The following PROX1 variants were observed in gnomAD, a reference collection of about 807,000 sequenced individuals.
PROX1 encodes prospero homeobox protein 1.
PROX1 carries 7 observed loss-of-function variants against 58.8 expected under a neutral mutation model. The observed-to-expected ratio is 0.12, with a 90% confidence interval of 0.07 to 0.22. The LOEUF (loss-of-function observed/expected upper bound fraction) is 0.22, where lower values mean the gene tolerates loss of function less well. Ranked by LOEUF, PROX1 falls within the 10% of genes least tolerant of loss-of-function variation. PROX1 has a pLI of 1.00. For synonymous variants in PROX1, 350 were observed against 358.3 expected (o/e 0.98, Z 0.26); for missense variants, 675 against 927.8 (o/e 0.73, Z 3.54).
intron 1 of PROX1, among the ~76,000 whole-genome samples, chr1:213,994,682 A>G (rs1663176836): frequency 6.8e-6 from 1 of 147,666 alleles, no homozygotes; most frequent in East Asian, 2.0e-4. Flanking sequence ...TGAGAACTCC[A>G]TCTCCATTCT....
chr1:213,999,210 G>T (rs1188763717), intron 2 of PROX1, among the ~76,000 whole-genome samples: 6 of 152,022 alleles, frequency 3.9e-5, no homozygotes, highest in Non-Finnish European at 8.8e-5. Context: ...TTTAACTGAA[G>T]ATTTTTTTTT....
intron 2 of PROX1, among the ~76,000 whole-genome samples, chr1:213,999,533 C>T (rs909216380): frequency 6.6e-6 from 1 of 152,132 alleles, no homozygotes; most frequent in African/African-American, 2.4e-5. Context: ...AGCCACCTCT[C>T]AGGATAATAG....
intron 2 of PROX1, 137 bp downstream of exon 2, chr1:213,998,397 G>C: frequency 1.8e-6 from 2 of 1,095,602 alleles, no homozygotes; most frequent in Non-Finnish European, 2.5e-6. Context: ...CAAAGGAATA[G>C]GCTTTTATCA....
At chr1:214,001,037 C>A (rs3767847) in intron 2 of PROX1, among the ~76,000 whole-genome samples, 42,530 of 151,814 alleles carry the variant, frequency 0.28, 6,165 homozygotes, top group Admixed American at 0.39. Context: ...TTTAATTTTT[C>A]GTTCATGGCT....
chr1:214,029,929 A>C (rs1664589717), intron 4 of PROX1: 1 of 152,624 alleles, frequency 6.6e-6, no homozygotes, highest in Non-Finnish European at 1.5e-5. Flanking sequence ...CGCACAGTAG[A>C]ACAGCCACAG....
At chr1:213,999,727 T>C (rs1020589723) in intron 2 of PROX1, among the ~76,000 whole-genome samples, 2 of 152,208 alleles carry the variant, frequency 1.3e-5, no homozygotes, top group African/African-American at 2.4e-5. Context: ...TGATTTCACT[T>C]GGACCTTTTG....
chr1:213,990,286 T>C (rs902578829), intron 1 of PROX1, among the ~76,000 whole-genome samples: 1 of 151,732 alleles, frequency 6.6e-6, no homozygotes, highest in African/African-American at 2.4e-5. Flanking sequence ...CCTCTGTGTC[T>C]GTGTGTGTCT....
chr1:214,035,714 A>C lies in PROX1; in HGVS notation c.2094A>C (p.Ala698=), dbSNP rs1207039934. ...TLREFFNAII[A]GKDVDPSWKK... is the part of the protein sequence containing the mutation. ...GGGAGTTTTTCAATGCCATTATCGC[A>C]GGCAAAGATGTTGATCCTTCCTGGA... is the stretch of plus-strand genomic sequence containing the variant. Residue 698 remains alanine (A), a synonymous_variant, in exon 5 of 5, where the codon GCA becomes GCC. Coordinates refer to ENST00000366958, the MANE Select transcript of PROX1 (RefSeq NM_001270616.2). 2 of 1,613,838 alleles carry C rather than the reference A, an allele frequency of 1.2e-6. No homozygotes were observed. The highest frequency in any genetic ancestry group is 1.7e-6 in the Non-Finnish European group (2 of 1,179,910).
chr1:214,036,715 C>T lies in PROX1; in HGVS notation c.*881C>T, dbSNP rs1314724728. Reference sequence around the variant, plus strand: ...TACGCTGCTCAACTTTGTTTATATGCTTAAAAGGATTCTGTTTACTTAACA... The same window carrying T: ...TACGCTGCTCAACTTTGTTTATATGTTTAAAAGGATTCTGTTTACTTAACA... On this transcript the variant is annotated 3_prime_UTR_variant, in exon 5 of 5. Coordinates refer to ENST00000366958, the MANE Select transcript of PROX1 (RefSeq NM_001270616.2). 1.3e-5 allele frequency: 2 copies of T among 152,184 alleles called. No homozygotes were observed. The highest frequency in any genetic ancestry group is 2.9e-5 in the Non-Finnish European group (2 of 68,024). The allele number at this position is 152,184 out of a possible 1,614,324, so 9.4% of individuals were successfully genotyped here.
upstream of PROX1, chr1:213,984,363 T>G (rs1662773524): frequency 6.6e-6 from 1 of 152,250 alleles, no homozygotes; most frequent in South Asian, 2.1e-4. Context: ...TAAAAATTAC[T>G]TTCTTTCTGC....
intron 4 of PROX1, among the ~76,000 whole-genome samples, chr1:214,032,403 T>G (rs1664687688): frequency 6.6e-6 from 1 of 152,208 alleles, no homozygotes; most frequent in African/African-American, 2.4e-5. Context: ...TTCTTTTTTT[T>G]TTTTTATTTT....
chr1:214,012,452 A>T (rs1663947031), intron 4 of PROX1, among the ~76,000 whole-genome samples: 1 of 152,232 alleles, frequency 6.6e-6, no homozygotes, highest in South Asian at 2.1e-4. Context: ...TCCATGCAAC[A>T]ATGAAAGATG....
At chr1:214,030,417 G>A (rs910506587) in intron 4 of PROX1, 6 of 152,186 alleles carry the variant, frequency 3.9e-5, no homozygotes, top group African/African-American at 1.4e-4. Flanking sequence ...TAGGCCATTG[G>A]AGCCTTTGGT....
At chr1:214,034,507 G>A (rs1398186680) in intron 4 of PROX1, among the ~76,000 whole-genome samples, 2 of 152,198 alleles carry the variant, frequency 1.3e-5, no homozygotes, top group African/African-American at 4.8e-5. Flanking sequence ...GTGTCAATGT[G>A]TACTTGGAAA....
rs1344176900 is a variant in PROX1, at chr1:214,039,459, A to T, written c.*3625A>T. On this transcript the variant is annotated 3_prime_UTR_variant, in exon 5 of 5. Transcript: ENST00000366958. Reference sequence around the variant, plus strand: ...CATTTAAAAAAATTTAAAACAACAAAAAAAAAGCAAAACAGAAACACTAAA... The same window carrying T: ...CATTTAAAAAAATTTAAAACAACAATAAAAAAGCAAAACAGAAACACTAAA... 1 of 152,168 alleles carries T rather than the reference A, an allele frequency of 6.6e-6. No homozygotes were observed. The highest frequency in any genetic ancestry group is 1.5e-5 in the Non-Finnish European group (1 of 68,040). 9.4% of individuals were successfully genotyped at this position (152,168 alleles called of 1,614,324 possible).
chr1:214,011,428 G>A (rs1027616705), intron 3 of PROX1, 93 bp from the exon 4 acceptor site: 1 of 1,179,804 alleles, frequency 8.5e-7, no homozygotes, highest in Non-Finnish European at 1.2e-6. Flanking sequence ...AAGTAAAGAA[G>A]GGACGGGAAC....
chr1:214,027,874 A>AT (rs201791140), intron 4 of PROX1, among the ~76,000 whole-genome samples: 2,194 of 151,628 alleles, frequency 0.014, 20 homozygotes, highest in Non-Finnish European at 0.019. Flanking sequence ...ATATATATAT[A>AT]AAAGAGATAC....
At chr1:213,990,354 T>C (rs1297133384) in intron 1 of PROX1, among the ~76,000 whole-genome samples, 1 of 143,746 alleles carries the variant, frequency 7.0e-6, no homozygotes, top group African/African-American at 2.6e-5. Flanking sequence ...GAATTTATGG[T>C]TGTCCTGGTT....
chr1:214,018,492 A>G (rs879852865), intron 4 of PROX1, among the ~76,000 whole-genome samples: 1 of 152,216 alleles, frequency 6.6e-6, no homozygotes, highest in Non-Finnish European at 1.5e-5. Flanking sequence ...TTTTTGGCTG[A>G]GATACAAAAT....
Sources: allele counts gnomAD v4.1 joint callset (sites outside exome capture counted in the v4.1 genomes callset), GRCh38; gene constraint gnomAD v4.1.1; transcripts MANE v1.5; gene names NCBI Gene and HGNC (gene_info 2026-07-23, HGNC 2026-07-21).